The following ARHGEF3 variants were observed in gnomAD, a reference collection of about 807,000 sequenced individuals.
ARHGEF3 encodes the protein 59.8 kDA protein.
ARHGEF3 carries 28 observed loss-of-function variants against 63.2 expected under a neutral mutation model. The ratio of observed to expected loss-of-function variants is 0.44; its 90% CI spans 0.33 to 0.61. The LOEUF (loss-of-function observed/expected upper bound fraction) is 0.61. Ranked by LOEUF, ARHGEF3 falls within the 20% of genes least tolerant of loss-of-function variation. The pLI, the probability that ARHGEF3 is intolerant of heterozygous loss-of-function variation, is 0.03. For missense variants in ARHGEF3, 533 were observed against 659.3 expected, an observed-to-expected ratio of 0.81 and a Z score of 2.10; for synonymous variants, 266 against 254.2, an observed-to-expected ratio of 1.05 and a Z score of -0.44.
intron 4 of ARHGEF3, among the ~76,000 whole-genome samples, chr3:56,865,146 G>A (rs189564980): frequency 4.6e-5 from 7 of 152,164 alleles, no homozygotes; most frequent in African/African-American, 1.4e-4. Flanking sequence ...TGGGGATGGC[G>A]AGCACATGGC....
At chr3:56,863,146 T>TC (rs2040134534) in intron 4 of ARHGEF3, among the ~76,000 whole-genome samples, 1 of 151,828 alleles carries the variant, frequency 6.6e-6, no homozygotes, top group East Asian at 1.9e-4. Flanking sequence ...CCTTTTTCTT[T>TC]TTTTTTTTTG....
chr3:57,067,815 T>TAAA (rs542326960), intron 1 of ARHGEF3, among the ~76,000 whole-genome samples: 2 of 140,034 alleles, frequency 1.4e-5, no homozygotes, highest in African/African-American at 5.2e-5. Context: ...CCGTCTCTAC[T>TAAA]AAAAAAAAAA....
chr3:57,001,777 A>AT (rs1458710025), intron 2 of ARHGEF3, among the ~76,000 whole-genome samples: 1 of 152,188 alleles, frequency 6.6e-6, no homozygotes, highest in East Asian at 1.9e-4. Flanking sequence ...CAACTGAATT[A>AT]TTTAGGTGCC....
At chr3:56,873,324 C>T (rs962117852) in intron 4 of ARHGEF3, among the ~76,000 whole-genome samples, 18 of 151,800 alleles carry the variant, frequency 1.2e-4, no homozygotes, top group African/African-American at 4.4e-4. Flanking sequence ...TTTCATCACC[C>T]AAATATTAAG....
At chr3:56,932,606 C>T (rs755351273) in intron 3 of ARHGEF3, among the ~76,000 whole-genome samples, 5 of 152,126 alleles carry the variant, frequency 3.3e-5, no homozygotes, top group Non-Finnish European at 5.9e-5. Flanking sequence ...TAAACATTTT[C>T]GTGCATAAGT....
At chr3:57,045,621 C>T (rs1459968589) in intron 1 of ARHGEF3, among the ~76,000 whole-genome samples, 2 of 152,200 alleles carry the variant, frequency 1.3e-5, no homozygotes, top group Admixed American at 1.3e-4. Context: ...GCAATGTTGT[C>T]AGGAACTCTT....
chr3:56,916,551 G>A (rs1578837209), intron 3 of ARHGEF3: 2 of 1,256,140 alleles, frequency 1.6e-6, no homozygotes, highest in Non-Finnish European at 2.1e-6. Context: ...CACCTCTCCT[G>A]CTACTGCTGC....
chr3:56,859,172 T>A (rs1166092243), intron 4 of ARHGEF3, among the ~76,000 whole-genome samples: 1 of 152,094 alleles, frequency 6.6e-6, no homozygotes, highest in South Asian at 2.1e-4. Context: ...TTTTGTTTTG[T>A]TTTTGAGACG....
At chr3:56,893,152 T>C (rs2108287099) in intron 3 of ARHGEF3, among the ~76,000 whole-genome samples, 1 of 152,308 alleles carries the variant, frequency 6.6e-6, no homozygotes, top group African/African-American at 2.4e-5. Context: ...CTTAAGGTAG[T>C]CCCTTCCCTT....
chr3:56,943,481 C>A (rs974548575), intron 3 of ARHGEF3, among the ~76,000 whole-genome samples: 1 of 152,206 alleles, frequency 6.6e-6, no homozygotes, highest in Non-Finnish European at 1.5e-5. Flanking sequence ...TGCTCACTGA[C>A]AATGCATCTG....
chr3:56,727,612 T>C lies in ARHGEF3; in HGVS notation c.*1658A>G, dbSNP rs2032816294. 6.6e-6 allele frequency: 1 copy of C among 152,662 alleles called. No homozygotes were observed. The highest frequency in any genetic ancestry group is 2.4e-5 in the African/African-American group (1 of 41,456). 9.5% of individuals were successfully genotyped at this position (152,662 alleles called of 1,614,324 possible). A position where few individuals can be genotyped will look rare whatever the true frequency, so the allele number is the denominator to read the frequency against. ...CGCCTACAAAGAATCATTCATTCTT[T>C]TCTTCACCAATAAAGGCTGTTCTTG... On this transcript the variant is annotated 3_prime_UTR_variant, in exon 10 of 10. Transcript: ENST00000296315.
intron 1 of ARHGEF3, chr3:57,060,710 T>TC (rs1705175370): frequency 6.6e-6 from 1 of 151,648 alleles, no homozygotes; most frequent in Non-Finnish European, 1.5e-5. Context: ...TCCCCTCATC[T>TC]CCCCCACTCT....
At chr3:56,951,776 T>A (rs948180130) in intron 3 of ARHGEF3, among the ~76,000 whole-genome samples, 1 of 152,018 alleles carries the variant, frequency 6.6e-6, no homozygotes, top group African/African-American at 2.4e-5. Flanking sequence ...ATGTTAGAGG[T>A]TAGTATGAGG....
At chr3:57,079,144 G>A (rs1428780731) in intron 1 of ARHGEF3, 1 of 382,578 alleles carries the variant, frequency 2.6e-6, no homozygotes, top group East Asian at 3.7e-5. Context: ...GGGAGACCTA[G>A]CGGGGGTGTC....
intron 6 of ARHGEF3, among the ~76,000 whole-genome samples, chr3:56,750,675 T>G (rs1001117396): frequency 5.9e-5 from 9 of 151,280 alleles, no homozygotes; most frequent in African/African-American, 2.2e-4. Context: ...GACAAGTTTT[T>G]TTTTTTTTTT....
At chr3:57,025,295 A>C (rs1202846268) in intron 2 of ARHGEF3, among the ~76,000 whole-genome samples, 1 of 152,180 alleles carries the variant, frequency 6.6e-6, no homozygotes, top group Non-Finnish European at 1.5e-5. Context: ...TAGTCATAAA[A>C]CTTCAGAGCT....
intron 1 of ARHGEF3, among the ~76,000 whole-genome samples, chr3:57,035,391 C>T (rs1703909278): frequency 6.6e-6 from 1 of 151,792 alleles, no homozygotes; most frequent in Non-Finnish European, 1.5e-5. Context: ...GCTCTGTCAC[C>T]CATGCTGCAG....
chr3:57,007,156 A>T, intron 2 of ARHGEF3: 1 of 1,247,992 alleles, frequency 8.0e-7, no homozygotes, highest in Non-Finnish European at 1.0e-6. Context: ...ATCCATAAAG[A>T]ATTAATAAAT....
chr3:56,834,663 A>G (rs559945842), intron 4 of ARHGEF3, among the ~76,000 whole-genome samples: 1 of 150,552 alleles, frequency 6.6e-6, no homozygotes, highest in South Asian at 2.1e-4. Flanking sequence ...CTGAGGCAGG[A>G]GAGCTGCTTG....
Sources: allele counts gnomAD v4.1 joint callset (sites outside exome capture counted in the v4.1 genomes callset), GRCh38; gene constraint gnomAD v4.1.1; transcripts MANE v1.5; gene names NCBI Gene and HGNC (gene_info 2026-07-23, HGNC 2026-07-21).